The following FUT4 variants were observed in gnomAD, a reference collection of about 807,000 sequenced individuals.
The protein encoded by FUT4 is alpha-(1,3)-fucosyltransferase 4.
A neutral mutation model predicts 3.8 loss-of-function variants in FUT4; 1 was observed. The observed-to-expected ratio is 0.26, with a 90% CI of 0.09 to 1.25. The LOEUF (loss-of-function observed/expected upper bound fraction) is 1.25, where lower values mean the gene tolerates loss of function less well. Among genes scored for constraint, FUT4 ranks in the 50% most tolerant of loss-of-function variants. The probability of loss-of-function intolerance (pLI) is 0.47; values close to 1 mark genes in which losing one functional copy is unlikely to be tolerated. For missense variants in FUT4, 880 were observed against 768.2 expected (o/e 1.15, Z -1.72); for synonymous variants, 417 against 355.3 (o/e 1.17, Z -1.95).
chr11:94,544,592 C>CT lies in FUT4; in HGVS notation c.460dup (p.Cys154LeufsTer50). On this transcript the variant is annotated frameshift_variant, in exon 1 of 1. Coordinates refer to ENST00000358752, the MANE Select transcript of FUT4 (RefSeq NM_002033.4). LOFTEE classifies it low-confidence loss of function (END_TRUNC). ...GAGGCCGGGGGCTGCCATGGACCGT[C>CT]TGTGTGCTGGCGGCCGCCGGCTTGA... 1 of 1,449,198 alleles carries CT rather than the reference C, an allele frequency of 6.9e-7. No homozygotes were observed. Among genetic ancestry groups the CT allele is most frequent in the African/African-American group, 1.5e-5 (1 of 67,014 alleles). 89.8% of individuals were successfully genotyped at this position (1,449,198 alleles called of 1,614,324 possible). A position where few individuals can be genotyped will look rare whatever the true frequency, so the allele number is the denominator to read the frequency against.
chr11:94,545,335 T>C lies in FUT4; in HGVS notation c.1202T>C (p.Leu401Pro), dbSNP rs748608722. The C allele has an allele frequency of 6.2e-7, 1 of 1,612,852 alleles. No homozygotes were observed. The highest frequency in any genetic ancestry group is 8.5e-7 in the Non-Finnish European group (1 of 1,179,888). ...PGQPVPEIGL[L>P]HTVARYKFYL... ...CAGCCGGTGCCCGAAATTGGGCTCCTGCACACAGTGGCCCGCTACAAGTTC... is the reference window on the plus strand; with the variant it reads ...CAGCCGGTGCCCGAAATTGGGCTCCCGCACACAGTGGCCCGCTACAAGTTC... The change falls in exon 1 of 1, where the codon CTG becomes CCG. Residue 401 changes from leucine (L) to proline (P), a missense_variant. Leu to Pro is a moderately conservative substitution (Grantham distance 98, BLOSUM62 -3). This residue lies in a region of FUT4 where 424 missense variants were observed against 400.4 expected (regional missense o/e 1.06). Transcript: ENST00000358752.
At position 94,545,739 on chromosome 11, in the gene FUT4, C is replaced by G. The variant is rs1029741008; in HGVS notation, c.*13C>G. 7 of 1,605,354 alleles carry G rather than the reference C, an allele frequency of 4.4e-6. No homozygotes were observed. The highest frequency in any genetic ancestry group is 5.9e-6 in the Non-Finnish European group (7 of 1,176,654). On this transcript the variant is annotated 3_prime_UTR_variant, in exon 1 of 1. Coordinates refer to ENST00000358752, the MANE Select transcript of FUT4 (RefSeq NM_002033.4). The stretch of plus-strand genomic sequence containing the variant: ...GTTCGAGCGGTGAAGCCGCGCTCCC[C>G]TGGAAGCGACCCAGGGGAGGCCAAG...
At position 94,544,547 on chromosome 11, in the gene FUT4, C is replaced by G. The variant is rs1947835524; in HGVS notation, c.414C>G (p.Gly138=). The change falls in exon 1 of 1, where the codon GGC becomes GGG. Residue 138 remains glycine, a synonymous_variant. Transcript: ENST00000358752. ...APWGSPTAAA[G]GRRGWRRGRG... The stretch of plus-strand genomic sequence containing the variant: ...GGGGCTCGCCGACGGCGGCGGCGGG[C>G]GGGCGGCGCGGGTGGCGCCGAGGCC... 2 of 1,289,574 alleles carry G rather than the reference C, an allele frequency of 1.6e-6. No individual in the cohort carries two copies. Among genetic ancestry groups the G allele is most frequent in the Admixed American group, 8.4e-5 (2 of 23,752 alleles). The allele number at this position is 1,289,574 out of a possible 1,614,324, so 79.9% of individuals were successfully genotyped here.
Position 94,546,102 on chromosome 11 carries a change from C to G in FUT4, c.*376C>G. 1 of 378,404 alleles carries G rather than the reference C, an allele frequency of 2.6e-6. No individual in the cohort carries two copies. Among genetic ancestry groups the G allele is most frequent in the Non-Finnish European group, 5.4e-6 (1 of 186,756 alleles). 23.4% of individuals were successfully genotyped at this position (378,404 alleles called of 1,614,324 possible). A position where few individuals can be genotyped will look rare whatever the true frequency, so the allele number is the denominator to read the frequency against. On this transcript the variant is annotated 3_prime_UTR_variant, in exon 1 of 1. Transcript: ENST00000358752. ...GCCATATTTGTGGCCCGTGCAGCTT[C>G]CAAATCTCATACACAACTGTTCCCG...
Position 94,548,562 on chromosome 11 carries a change from C to T in FUT4, c.*2836C>T, listed in dbSNP as rs1947891017. The T allele has an allele frequency of 1.2e-5, 2 of 166,886 alleles. No homozygotes were observed. Among genetic ancestry groups the T allele is most frequent in the Admixed American group, 1.3e-4 (2 of 15,270 alleles). The allele number at this position is 166,886 out of a possible 1,614,324, so 10.3% of individuals were successfully genotyped here. ...CAGCCATTGCATTTTTATTCACATA[C>T]ACATTGTTAATGTGGAACAATTTAA... is the stretch of plus-strand genomic sequence containing the variant. On this transcript the variant is annotated 3_prime_UTR_variant, in exon 1 of 1. Coordinates refer to ENST00000358752, the MANE Select transcript of FUT4 (RefSeq NM_002033.4).
At position 94,544,350 on chromosome 11, in the gene FUT4, G is replaced by C; in HGVS notation, c.217G>C (p.Gly73Arg). ...PARHLGGAGQ[G>R]PRPLHSGTAP... The stretch of plus-strand genomic sequence containing the variant: ...CCGGCACTTGGGAGGAGCAGGGCAG[G>C]GCCCGCGGCCTTTGCATTCTGGGAC... Residue 73 changes from glycine (G) to arginine (R), a missense_variant, in exon 1 of 1, where the codon GGC (glycine) becomes CGC (arginine). Gly to Arg is a moderately radical substitution (Grantham distance 125). Around this residue, in one of 3 missense-constraint regions of FUT4, gnomAD observed 447 missense variants for 339.5 expected, o/e 1.32. Coordinates refer to ENST00000358752, the MANE Select transcript of FUT4 (RefSeq NM_002033.4). 1 of 1,549,540 alleles carries C rather than the reference G, an allele frequency of 6.5e-7. No homozygotes were observed.
Position 94,545,897 on chromosome 11 carries a change from G to T in FUT4, c.*171G>T. The T allele has an allele frequency of 2.3e-6, 2 of 866,888 alleles. No homozygotes were observed. The highest frequency in any genetic ancestry group is 3.8e-6 in the Non-Finnish European group (2 of 523,468). 53.7% of individuals were successfully genotyped at this position (866,888 alleles called of 1,614,324 possible). On this transcript the variant is annotated 3_prime_UTR_variant, in exon 1 of 1. Coordinates refer to ENST00000358752, the MANE Select transcript of FUT4 (RefSeq NM_002033.4). Reference sequence around the variant, plus strand: ...TTAATATTACTCAGCACAGAGATGGGGGCCCGGTTTCCATATTTTTTGCAC... The same window carrying T: ...TTAATATTACTCAGCACAGAGATGGTGGCCCGGTTTCCATATTTTTTGCAC...
Position 94,545,174 on chromosome 11 carries a change from C to G in FUT4, c.1041C>G (p.Ala347=). 1 of 1,610,832 alleles carries G rather than the reference C, an allele frequency of 6.2e-7. No individual in the cohort carries two copies. Among genetic ancestry groups the G allele is most frequent in the Non-Finnish European group, 8.5e-7 (1 of 1,179,666 alleles). The part of the protein sequence containing the change: ...SHPGDPPSGL[A]PPLSRKQGLV... ...CCGGCGACCCGCCCTCAGGCCTGGC[C>G]CCGCCACTGTCCAGGAAACAGGGGC... Residue 347 remains alanine, a synonymous_variant, in exon 1 of 1, where the codon GCC becomes GCG. Coordinates refer to ENST00000358752, the MANE Select transcript of FUT4 (RefSeq NM_002033.4).
In FUT4 at chr11:94,545,205, G is replaced by T. The variant is rs1224559633; in HGVS notation, c.1072G>T (p.Ala358Ser). The change falls in exon 1 of 1, where the codon GCA (alanine) becomes TCA (serine). Residue 358 changes from alanine (A) to serine (S), a missense_variant. Physicochemically the swap from Ala to Ser is moderately conservative, Grantham distance 99 (BLOSUM62 1). This residue lies in a region of FUT4 where 424 missense variants were observed against 400.4 expected (regional missense o/e 1.06). Transcript: ENST00000358752. ...PPLSRKQGLV[A>S]WVVSHWDERQ... ...ACTGTCCAGGAAACAGGGGCTGGTGGCATGGGTGGTGAGCCACTGGGACGA... is the reference window on the plus strand; with the variant it reads ...ACTGTCCAGGAAACAGGGGCTGGTGTCATGGGTGGTGAGCCACTGGGACGA... 12 of 1,611,004 alleles carry T rather than the reference G, an allele frequency of 7.4e-6. No individual in the cohort carries two copies. Among genetic ancestry groups the T allele is most frequent in the Non-Finnish European group, 1.0e-5 (12 of 1,179,784 alleles).
rs1947840115 is a variant in FUT4, at chr11:94,544,788, G to A, written c.655G>A (p.Gly219Ser). ...PDCRLRFNIS[G>S]CRLLTDRASY... ...CTGCCGGCTGCGCTTCAACATCAGC[G>A]GCTGCCGCCTGCTCACCGACCGCGC... Residue 219 changes from glycine to serine, a missense_variant, in exon 1 of 1, where the codon GGC becomes AGC. By Grantham distance (56) the Gly-to-Ser change is moderately conservative (BLOSUM62 0). Around this residue, in one of 3 missense-constraint regions of FUT4, gnomAD observed 447 missense variants for 339.5 expected, o/e 1.32. Coordinates refer to ENST00000358752, the MANE Select transcript of FUT4 (RefSeq NM_002033.4). 1 of 1,591,254 alleles carries A rather than the reference G, an allele frequency of 6.3e-7. No homozygotes were observed. Among genetic ancestry groups the A allele is most frequent in the Non-Finnish European group, 8.5e-7 (1 of 1,175,926 alleles).
At position 94,545,017 on chromosome 11, in the gene FUT4, TG is replaced by T. The variant is rs764969695; in HGVS notation, c.885del (p.Met295IlefsTer67). On this transcript the variant is annotated frameshift_variant, in exon 1 of 1. Transcript: ENST00000358752. LOFTEE classifies it low-confidence loss of function (END_TRUNC). ...CCCCCGGGCCAGCGCTGGGTTTGGA[TG>T]AACTTCGAGTCGCCCTCGCACTCCC... Reference protein sequence around the residue: ...PRPPGQRWVWMNFESPSHSPG... With the variant: ...PRPPGQRWVWXNFESPSHSPG... The T allele has an allele frequency of 6.2e-7, 1 of 1,609,656 alleles. No individual in the cohort carries two copies. The highest frequency in any genetic ancestry group is 2.2e-5 in the East Asian group (1 of 44,770).
In FUT4 at chr11:94,544,808, C is replaced by A; in HGVS notation, c.675C>A (p.Asp225Glu). Residue 225 changes from aspartate (D) to glutamate (E), a missense_variant, in exon 1 of 1, where the codon GAC becomes GAA. Around this residue, in one of 3 missense-constraint regions of FUT4, gnomAD observed 9 missense variants for 28.3 expected, o/e 0.32. Transcript: ENST00000358752. ...TCAGCGGCTGCCGCCTGCTCACCGA[C>A]CGCGCGTCCTACGGAGAGGCTCAGG... ...FNISGCRLLT[D>E]RASYGEAQAV... 1.3e-6 allele frequency: 2 copies of A among 1,598,820 alleles called. No individual in the cohort carries two copies. The highest frequency in any genetic ancestry group is 1.7e-6 in the Non-Finnish European group (2 of 1,178,540).
At position 94,545,613 on chromosome 11, in the gene FUT4, G is replaced by T. The variant is rs200642870; in HGVS notation, c.1480G>T (p.Val494Phe). The T allele has an allele frequency of 6.2e-7, 1 of 1,613,402 alleles. No homozygotes were observed. The highest frequency in any genetic ancestry group is 2.2e-5 in the East Asian group (1 of 44,868). The change falls in exon 1 of 1, where the codon GTC becomes TTC. Residue 494 changes from valine (V) to phenylalanine (F), a missense_variant. Val to Phe is a conservative substitution (Grantham distance 50). This residue lies in a region of FUT4 where 424 missense variants were observed against 400.4 expected (regional missense o/e 1.06). Coordinates refer to ENST00000358752, the MANE Select transcript of FUT4 (RefSeq NM_002033.4). ...RYFHWRRSYA[V>F]HITSFWDEPW... ...CTTCCACTGGCGCCGGAGCTACGCT[G>T]TCCACATCACCTCCTTCTGGGACGA...
rs1234378155 is a variant in FUT4, at chr11:94,546,084, T to TTA, written c.*359_*360insAT. ...TTTCCCCATCTGCCACAGGCCATATTTGTGGCCCGTGCAGCTTCCAAATCT... is the reference window on the plus strand; with the variant it reads ...TTTCCCCATCTGCCACAGGCCATATTTATGTGGCCCGTGCAGCTTCCAAATCT... On this transcript the variant is annotated 3_prime_UTR_variant, in exon 1 of 1. Coordinates refer to ENST00000358752, the MANE Select transcript of FUT4 (RefSeq NM_002033.4). The TTA allele has an allele frequency of 6.6e-5, 26 of 391,534 alleles. No individual in the cohort carries two copies. Among genetic ancestry groups the TTA allele is most frequent in the Non-Finnish European group, 1.3e-4 (26 of 195,430 alleles). 24.3% of individuals were successfully genotyped at this position (391,534 alleles called of 1,614,324 possible).
In FUT4 at chr11:94,546,394, A is replaced by C. The variant is rs1947862580; in HGVS notation, c.*668A>C. The stretch of plus-strand genomic sequence containing the variant: ...TAAGATGAATACATGCGTGTACCTC[A>C]CTTTACATAAGAAATGTATTCCTGA... On this transcript the variant is annotated 3_prime_UTR_variant, in exon 1 of 1. Coordinates refer to ENST00000358752, the MANE Select transcript of FUT4 (RefSeq NM_002033.4). The C allele has an allele frequency of 1.1e-5, 2 of 174,380 alleles. No homozygotes were observed. The highest frequency in any genetic ancestry group is 4.8e-5 in the African/African-American group (2 of 41,518). The allele number at this position is 174,380 out of a possible 1,614,324, so 10.8% of individuals were successfully genotyped here.
chr11:94,545,160 C>T lies in FUT4; in HGVS notation c.1027C>T (p.Pro343Ser), dbSNP rs1947845983. Residue 343 changes from proline to serine, a missense_variant, in exon 1 of 1, where the codon CCC (proline) becomes TCC (serine). Transcript: ENST00000358752. ...CCCCAGAAGCCACCCCGGCGACCCGCCCTCAGGCCTGGCCCCGCCACTGTC... is the reference window on the plus strand; with the variant it reads ...CCCCAGAAGCCACCCCGGCGACCCGTCCTCAGGCCTGGCCCCGCCACTGTC... ...LYPRSHPGDP[P>S]SGLAPPLSRK... 1.2e-6 allele frequency: 2 copies of T among 1,608,428 alleles called. No individual in the cohort carries two copies. Among genetic ancestry groups the T allele is most frequent in the Non-Finnish European group, 8.5e-7 (1 of 1,178,862 alleles).
Position 94,545,194 on chromosome 11 carries a change from A to G in FUT4, c.1061A>G (p.Gln354Arg), listed in dbSNP as rs1233179965. The change falls in exon 1 of 1, where the codon CAG (glutamine) becomes CGG (arginine). Residue 354 changes from glutamine (Q) to arginine (R), a missense_variant. This residue lies in a region of FUT4 where 424 missense variants were observed against 400.4 expected (regional missense o/e 1.06). Coordinates refer to ENST00000358752, the MANE Select transcript of FUT4 (RefSeq NM_002033.4). ...SGLAPPLSRK[Q>R]GLVAWVVSHW... Reference sequence around the variant, plus strand: ...CTGGCCCCGCCACTGTCCAGGAAACAGGGGCTGGTGGCATGGGTGGTGAGC... The same window carrying G: ...CTGGCCCCGCCACTGTCCAGGAAACGGGGGCTGGTGGCATGGGTGGTGAGC... 4 of 1,611,076 alleles carry G rather than the reference A, an allele frequency of 2.5e-6. No homozygotes were observed.
rs1349211405 is a variant in FUT4 at position 94,548,598 on chromosome 11, A to G, written c.*2872A>G. ...TGTGGAACAATTTAACACTAATCTC[A>G]TCAGAGAGCGAGATGAATGTGGCAA... On this transcript the variant is annotated 3_prime_UTR_variant, in exon 1 of 1. Transcript: ENST00000358752. 1 of 166,948 alleles carries G rather than the reference A, an allele frequency of 6.0e-6. No individual in the cohort carries two copies. The highest frequency in any genetic ancestry group is 1.5e-5 in the Non-Finnish European group (1 of 68,088). The allele number at this position is 166,948 out of a possible 1,614,324, so 10.3% of individuals were successfully genotyped here. A position where few individuals can be genotyped will look rare whatever the true frequency, so the allele number is the denominator to read the frequency against.
Position 94,545,883 on chromosome 11 carries a change from C to G in FUT4, c.*157C>G. Reference sequence around the variant, plus strand: ...AAACGATTTACCAATTAATATTACTCAGCACAGAGATGGGGGCCCGGTTTC... The same window carrying G: ...AAACGATTTACCAATTAATATTACTGAGCACAGAGATGGGGGCCCGGTTTC... On this transcript the variant is annotated 3_prime_UTR_variant, in exon 1 of 1. Coordinates refer to ENST00000358752, the MANE Select transcript of FUT4 (RefSeq NM_002033.4). 1.0e-6 allele frequency: 1 copy of G among 957,476 alleles called. No homozygotes were observed. The highest frequency in any genetic ancestry group is 2.6e-5 in the East Asian group (1 of 38,232). 59.3% of individuals were successfully genotyped at this position (957,476 alleles called of 1,614,324 possible).
Sources: gnomAD v4.1 joint callset for allele counts on GRCh38, gnomAD v4.1.1 for gene constraint, gnomAD v4.1.1 regional missense constraint, MANE v1.5 for transcripts, NCBI Gene and HGNC (gene_info 2026-07-23, HGNC 2026-07-21) for gene names.